Variants in PLS3 observed in about 807,000 individuals in gnomAD.
The protein encoded by PLS3 is plastin 3, also known as plastin-3.
In PLS3, 11 loss-of-function variants were observed where a neutral mutation model predicts 46.5. The ratio of observed to expected loss-of-function variants is 0.24; its 90% CI spans 0.15 to 0.39. PLS3 has a LOEUF of 0.39. Among genes scored for constraint, PLS3 ranks in the 10% least tolerant of loss-of-function variants. The pLI is 1.00. For synonymous variants in PLS3, 167 were observed against 162.2 expected (o/e 1.03, Z -0.22); for missense variants, 308 against 461.8 (o/e 0.67, Z 3.05).
At chrX:115,646,628 C>CT in intron 13 of PLS3, 93 bp downstream of exon 13, 1 of 773,964 alleles carries the variant, frequency 1.3e-6, no homozygotes, top group Non-Finnish European at 1.8e-6. Flanking sequence ...ATGTCGATAA[C>CT]TACACTTTTG....
intron 2 of PLS3, among the ~76,000 whole-genome samples, chrX:115,611,651 A>G (rs1392155405): frequency 8.9e-6 from 1 of 112,109 alleles, no homozygotes; most frequent in South Asian, 3.7e-4. Flanking sequence ...CTCCTCAAGT[A>G]AATGCTGAAT....
At chrX:115,633,379 C>T (rs1168203088) in intron 5 of PLS3, among the ~76,000 whole-genome samples, 1 of 110,808 alleles carries the variant, frequency 9.0e-6, no homozygotes, top group Non-Finnish European at 1.9e-5. Context: ...CCATGTTGGC[C>T]AGGCTGTTTT....
At chrX:115,646,209 A>G (rs1556641670) in intron 12 of PLS3, 23 bp downstream of exon 12, 3 of 938,302 alleles carry the variant, frequency 3.2e-6, no homozygotes, top group African/African-American at 3.9e-5. Context: ...GTTGCTGTAT[A>G]TATTTGTTAG....
chrX:115,613,910 T>G (rs1400531776), intron 2 of PLS3, among the ~76,000 whole-genome samples: 1 of 112,252 alleles, frequency 8.9e-6, no homozygotes, highest in Non-Finnish European at 1.9e-5. Flanking sequence ...AAAATCTTAT[T>G]TTTTTAAGTG....
Position 115,646,167 on chromosome X carries a change from T to A in PLS3, c.1358T>A (p.Leu453Gln). The change falls in exon 12 of 16, where the codon CTG (leucine) becomes CAG (glutamine). Residue 453 changes from leucine to glutamine, a missense_variant. Physicochemically the swap from Leu to Gln is moderately radical, Grantham distance 113. This residue lies in a region of PLS3 where 271 missense variants were observed against 435.7 expected (regional missense o/e 0.62). Coordinates refer to ENST00000355899, the MANE Select transcript of PLS3 (RefSeq NM_005032.7). The stretch of plus-strand genomic sequence containing the variant: ...GTTAATAAACCTCCATACCCGAAAC[T>A]GGGAGCCAACATGAAAAAGGTAGAT... ...SKVNKPPYPK[L>Q]GANMKKLENC... is the part of the protein sequence containing the mutation. 1 of 1,143,660 alleles carries A rather than the reference T, an allele frequency of 8.7e-7. No homozygotes were observed. Among genetic ancestry groups the A allele is most frequent in the Non-Finnish European group, 1.2e-6 (1 of 836,838 alleles). 94.3% of individuals were successfully genotyped at this position (1,143,660 alleles called of 1,213,427 possible).
intron 2 of PLS3, among the ~76,000 whole-genome samples, chrX:115,615,330 C>T (rs1556636628): frequency 9.0e-6 from 1 of 111,072 alleles, no homozygotes; most frequent in Admixed American, 9.7e-5. Flanking sequence ...ATTCAAACTT[C>T]TGCAGGAACA....
intron 1 of PLS3, among the ~76,000 whole-genome samples, chrX:115,596,447 A>G (rs1426421149): frequency 1.9e-4 from 21 of 111,903 alleles, no homozygotes; most frequent in African/African-American, 6.8e-4. Context: ...AGAGAAAGAA[A>G]TAGATGTCAT....
intron 2 of PLS3, chrX:115,610,893 C>T (rs189417729): frequency 9.4e-7 from 1 of 1,059,408 alleles, no homozygotes; most frequent in East Asian, 3.3e-5. Context: ...CATCATATAA[C>T]ATGCCTTACA....
At position 115,650,023 on chromosome X, in the gene PLS3, T is replaced by C. The variant is rs782330997; in HGVS notation, c.*462T>C. 1 of 113,121 alleles carries C rather than the reference T, an allele frequency of 8.8e-6. No homozygotes were observed. The highest frequency in any genetic ancestry group is 2.8e-4 in the East Asian group (1 of 3,588). The allele number at this position is 113,121 out of a possible 1,213,427, so 9.3% of individuals were successfully genotyped here. On this transcript the variant is annotated 3_prime_UTR_variant, in exon 16 of 16. Transcript: ENST00000355899. ...AGCGTATTTGGATATGAGTATCCTT[T>C]GCTTATCTTTGTAGTACTGAAAATT...
intron 9 of PLS3, among the ~76,000 whole-genome samples, chrX:115,641,127 A>G (rs781932232): frequency 4.5e-5 from 5 of 110,282 alleles, no homozygotes; most frequent in Non-Finnish European, 7.6e-5. Flanking sequence ...CCCATTAGAT[A>G]TGGAATGCAT....
intron 7 of PLS3, 80 bp downstream of exon 7, chrX:115,635,126 T>TCACCTCCATTAA: frequency 1.2e-6 from 1 of 824,000 alleles, no homozygotes; most frequent in Non-Finnish European, 1.8e-6. Context: ...TCTCACTTAA[T>TCACCTCCATTAA]GGAGGTGATT....
At chrX:115,591,304 T>G (rs1324384747) in intron 1 of PLS3, among the ~76,000 whole-genome samples, 1 of 112,212 alleles carries the variant, frequency 8.9e-6, no homozygotes, top group Non-Finnish European at 1.9e-5. Flanking sequence ...AATTAGTAAC[T>G]CGGTGTTGAC....
intron 2 of PLS3, among the ~76,000 whole-genome samples, chrX:115,621,717 A>G (rs1433896445): frequency 8.9e-6 from 1 of 112,097 alleles, no homozygotes; most frequent in Non-Finnish European, 1.9e-5. Context: ...TATAAACTCT[A>G]TATTTGTCTT....
At position 115,647,676 on chromosome X, in the gene PLS3, C is replaced by T; in HGVS notation, c.1635+3C>T. On this transcript the variant is annotated splice_donor_region_variant and intron_variant, in intron 14 of 15. Coordinates refer to ENST00000355899, the MANE Select transcript of PLS3 (RefSeq NM_005032.7). ...CAACTTCCATTCAGAGTTTTAAGGTCAGAATCCATATTTGACTATTAAATA... is the reference window on the plus strand; with the variant it reads ...CAACTTCCATTCAGAGTTTTAAGGTTAGAATCCATATTTGACTATTAAATA... 1 of 1,200,475 alleles carries T rather than the reference C, an allele frequency of 8.3e-7. No individual in the cohort carries two copies. Among genetic ancestry groups the T allele is most frequent in the Middle Eastern group, 2.3e-4 (1 of 4,321 alleles).
intron 3 of PLS3, among the ~76,000 whole-genome samples, chrX:115,627,873 TACTA>T (rs1556638676): frequency 8.9e-6 from 1 of 112,291 alleles, no homozygotes; most frequent in Non-Finnish European, 1.9e-5. Context: ...TTTAAGTGCT[TACTA>T]ACTATTCTCT....
At chrX:115,630,889 ATAATATATGTATATTATACATG>A (rs1556639282) in intron 5 of PLS3, among the ~76,000 whole-genome samples, 7 of 96,215 alleles carry the variant, frequency 7.3e-5, no homozygotes, top group African/African-American at 2.7e-4. Flanking sequence ...ATATATATGT[ATAATATATGTATATTATACATG>A]TATATATGTA....
At chrX:115,574,896 A>G (rs1170599290) in intron 1 of PLS3, among the ~76,000 whole-genome samples, 2 of 112,079 alleles carry the variant, frequency 1.8e-5, no homozygotes, top group Admixed American at 9.5e-5. Context: ...ATCTATTTTT[A>G]TAGATTTTAG....
intron 8 of PLS3, among the ~76,000 whole-genome samples, chrX:115,637,179 A>G (rs1343470984): frequency 1.8e-5 from 2 of 111,930 alleles, no homozygotes; most frequent in Admixed American, 1.9e-4. Flanking sequence ...AGGTAAAAAT[A>G]TTATGCTAAT....
intron 1 of PLS3, among the ~76,000 whole-genome samples, chrX:115,587,869 T>C (rs1043703307): frequency 1.8e-5 from 2 of 112,024 alleles, no homozygotes; most frequent in Non-Finnish European, 3.8e-5. Context: ...GGGAAACAAC[T>C]AAGAGTATTT....
Sources: allele counts gnomAD v4.1 joint callset (sites outside exome capture counted in the v4.1 genomes callset), GRCh38; gene constraint gnomAD v4.1.1; regional missense constraint gnomAD v4.1.1; transcripts MANE v1.5; gene names NCBI Gene and HGNC (gene_info 2026-07-23, HGNC 2026-07-21).